Variants in TMEM108 observed in about 807,000 individuals in gnomAD.
TMEM108 encodes the protein cancer/testis antigen 124.
A neutral mutation model predicts 35.1 loss-of-function variants in TMEM108; 12 were observed. The observed-to-expected ratio is 0.34, with a 90% CI of 0.22 to 0.55. The LOEUF is 0.55. TMEM108 is among the 20% of genes least tolerant of loss of function. The pLI, the probability that TMEM108 is intolerant of heterozygous loss-of-function variation, is 0.89. For synonymous variants in TMEM108, 287 were observed against 308.6 expected (o/e 0.93, Z 0.73); for missense variants, 680 against 753.3 (o/e 0.90, Z 1.14).
intron 3 of TMEM108, among the ~76,000 whole-genome samples, chr3:133,255,599 A>G (rs925149959): frequency 7.2e-5 from 11 of 152,198 alleles, no homozygotes; most frequent in Non-Finnish European, 1.6e-4. Flanking sequence ...AATAGAGACA[A>G]TGGGGGAGAC....
At chr3:133,157,203 A>C (rs545520049) in intron 2 of TMEM108, among the ~76,000 whole-genome samples, 3 of 152,334 alleles carry the variant, frequency 2.0e-5, no homozygotes, top group African/African-American at 4.8e-5. Context: ...TTTCCAAAAA[A>C]GATGTTGGCC....
chr3:133,323,140 G>A (rs1426676939), intron 3 of TMEM108, among the ~76,000 whole-genome samples: 1 of 152,020 alleles, frequency 6.6e-6, no homozygotes, highest in Non-Finnish European at 1.5e-5. Context: ...ATTCAACATA[G>A]TACTAAAAGT....
At chr3:133,302,948 C>T (rs931487388) in intron 3 of TMEM108, among the ~76,000 whole-genome samples, 1 of 152,110 alleles carries the variant, frequency 6.6e-6, no homozygotes, top group Non-Finnish European at 1.5e-5. Flanking sequence ...AGTTAGGTTG[C>T]AGATCAAACA....
At chr3:133,171,592 TAGAG>T (rs1255060621) in intron 2 of TMEM108, among the ~76,000 whole-genome samples, 4 of 152,156 alleles carry the variant, frequency 2.6e-5, no homozygotes, top group Non-Finnish European at 5.9e-5. Flanking sequence ...ATTTCCTGCT[TAGAG>T]AGGTCACTTT....
chr3:133,221,344 G>A (rs997214216), intron 2 of TMEM108, among the ~76,000 whole-genome samples: 7 of 152,050 alleles, frequency 4.6e-5, no homozygotes, highest in African/African-American at 1.2e-4. Context: ...TAGGAACTCT[G>A]TGTTGAATGC....
chr3:133,179,803 T>C (rs964631710), intron 2 of TMEM108, among the ~76,000 whole-genome samples: 18 of 149,936 alleles, frequency 1.2e-4, no homozygotes, highest in African/African-American at 4.5e-4. Flanking sequence ...ACTTAAAGTA[T>C]AATAAAAAAA....
intron 2 of TMEM108, among the ~76,000 whole-genome samples, chr3:133,096,446 T>C (rs892468777): frequency 7.2e-5 from 11 of 152,170 alleles, no homozygotes; most frequent in Admixed American, 3.9e-4. Context: ...CTGTGAGCCA[T>C]TGTGCTCAGT....
intron 2 of TMEM108, among the ~76,000 whole-genome samples, chr3:133,193,979 C>A (rs1314608158): frequency 6.7e-6 from 1 of 148,380 alleles, no homozygotes; most frequent in Non-Finnish European, 1.5e-5. Flanking sequence ...CTCTGTCACT[C>A]AGGCTGGAGT....
chr3:133,292,633 C>T (rs1340450596), intron 3 of TMEM108, among the ~76,000 whole-genome samples: 1 of 152,194 alleles, frequency 6.6e-6, no homozygotes, highest in East Asian at 1.9e-4. Flanking sequence ...TCAGAGCCTG[C>T]CTGCTATGGG....
At chr3:133,164,071 A>G (rs1945000134) in intron 2 of TMEM108, among the ~76,000 whole-genome samples, 2 of 152,116 alleles carry the variant, frequency 1.3e-5, no homozygotes, top group Non-Finnish European at 2.9e-5. Context: ...TCTTCATAAT[A>G]TTGTTTTCTC....
Position 133,380,713 on chromosome 3 carries a change from T to C in TMEM108, c.1002T>C (p.Ser334=), listed in dbSNP as rs1296458079. The C allele has an allele frequency of 6.2e-7, 1 of 1,614,118 alleles. No homozygotes were observed. The highest frequency in any genetic ancestry group is 1.7e-5 in the Admixed American group (1 of 60,022). The stretch of plus-strand genomic sequence containing the variant: ...AGGATGGCCCCAGCCATAGTGACTC[T>C]TGGCTTACTGTTACCCCTGGCACCA... ...DPQDGPSHSD[S]WLTVTPGTSR... The change falls in exon 4 of 6, where the codon TCT becomes TCC. Residue 334 remains serine (S), a synonymous_variant. Transcript: ENST00000321871. This position sits in a 1 kb window ranked among gnomAD's most constrained non-coding sequence, Gnocchi z 5.3.
chr3:133,146,067 A>G lies in TMEM108; in HGVS notation c.-46-83199A>G, dbSNP rs573685637. Among the ~76,000 whole-genome samples, 4 of 152,228 alleles carry G rather than the reference A, an allele frequency of 2.6e-5. 1 individual carries two copies. The highest frequency in any genetic ancestry group is 9.6e-5 in the African/African-American group (4 of 41,552). On this transcript the variant is annotated intron_variant, in intron 2 of 5. Coordinates refer to ENST00000321871, the MANE Select transcript of TMEM108 (RefSeq NM_023943.4). ...CCGGTTTTCAAAGGGAATGCTTCCA[A>G]CTTTGGCCCATTCAGTATGATACTG...
At chr3:133,065,134 T>G (rs76668433) in intron 2 of TMEM108, among the ~76,000 whole-genome samples, 4,197 of 152,316 alleles carry the variant, frequency 0.028, 102 homozygotes, top group South Asian at 0.06. Flanking sequence ...GATGTGATCC[T>G]CGAACATAGA....
At chr3:133,134,906 G>T (rs891498694) in intron 2 of TMEM108, among the ~76,000 whole-genome samples, 1 of 151,786 alleles carries the variant, frequency 6.6e-6, no homozygotes, top group Non-Finnish European at 1.5e-5. Context: ...CTGTTTAGAG[G>T]TTGTTTGCTC....
chr3:133,348,485 A>T (rs1200476185), intron 3 of TMEM108, among the ~76,000 whole-genome samples: 3 of 152,112 alleles, frequency 2.0e-5, no homozygotes, highest in Non-Finnish European at 4.4e-5. Context: ...GTGCACTGGG[A>T]GATAGAGTGA....
intron 2 of TMEM108, among the ~76,000 whole-genome samples, chr3:133,096,654 T>A (rs1271711520): frequency 6.6e-6 from 1 of 152,240 alleles, no homozygotes; most frequent in Non-Finnish European, 1.5e-5. Context: ...TTAAAATAGA[T>A]GACAGATGGT....
chr3:133,178,443 A>G (rs1945273476), intron 2 of TMEM108, among the ~76,000 whole-genome samples: 1 of 152,174 alleles, frequency 6.6e-6, no homozygotes, highest in African/African-American at 2.4e-5. Flanking sequence ...ACAGCATGGT[A>G]CTGGTACCAA....
chr3:133,054,886 A>C (rs1337415436), intron 2 of TMEM108, among the ~76,000 whole-genome samples: 2 of 152,216 alleles, frequency 1.3e-5, no homozygotes, highest in Non-Finnish European at 2.9e-5. Flanking sequence ...ACAGAGAACA[A>C]GTTAGTGTTT....
chr3:133,216,804 A>G (rs560293976), intron 2 of TMEM108, among the ~76,000 whole-genome samples: 2 of 152,238 alleles, frequency 1.3e-5, no homozygotes, highest in South Asian at 4.1e-4. Context: ...GTGTGTATAT[A>G]TATACCACAA....
Sources: allele counts gnomAD v4.1 joint callset (sites outside exome capture counted in the v4.1 genomes callset), GRCh38; gene constraint gnomAD v4.1.1; non-coding constraint Gnocchi (gnomAD v3.1); transcripts MANE v1.5; gene names NCBI Gene and HGNC (gene_info 2026-07-23, HGNC 2026-07-21).